The following DEPDC5 variants were observed in gnomAD, a reference collection of about 807,000 sequenced individuals.
DEPDC5 encodes the protein DEP domain containing 5, GATOR1 subcomplex subunit.
DEPDC5 carries 73 observed loss-of-function variants against 217.3 expected under a neutral mutation model. The observed-to-expected ratio is 0.34, with a 90% CI of 0.28 to 0.41. The LOEUF is 0.41. DEPDC5 is among the 10% of genes least tolerant of loss of function. DEPDC5 has a pLI of 1.00. For synonymous variants in DEPDC5, 733 were observed against 756.7 expected (o/e 0.97, Z 0.51); for missense variants, 1,675 against 2,070.1 (o/e 0.81, Z 3.70).
rs79226472 is a variant in DEPDC5 at position 31,836,049 on chromosome 22, T to C, written c.2171-923T>C. 6.6e-4 allele frequency among the ~76,000 whole-genome samples: 100 copies of C among 152,370 alleles called. 1 individual carries two copies. The East Asian group carries it at 0.014, about 22-fold the overall frequency. ...CTCCCTTCTTTGGAAAGTTAAAAGA[T>C]AGTCTTCACTTAAATTACTTAAAGA... is the stretch of plus-strand genomic sequence containing the variant. On this transcript the variant is annotated intron_variant, in intron 25 of 42. Transcript: ENST00000651528.
chr22:31,778,739 C>T (rs1373885975), intron 8 of DEPDC5, among the ~76,000 whole-genome samples: 2 of 152,176 alleles, frequency 1.3e-5, no homozygotes, highest in Non-Finnish European at 2.9e-5. Flanking sequence ...ATGTCATAAA[C>T]ATGAAGAGAG....
intron 38 of DEPDC5, among the ~76,000 whole-genome samples, chr22:31,890,723 T>A (rs2093422481): frequency 1.3e-5 from 2 of 151,344 alleles, no homozygotes; most frequent in South Asian, 2.1e-4. Context: ...AAAAGATTTT[T>A]AAAATTTTTA....
intron 35 of DEPDC5, 33 bp downstream of exon 35, chr22:31,873,365 G>A: frequency 1.9e-6 from 3 of 1,602,136 alleles, no homozygotes; most frequent in Non-Finnish European, 2.6e-6. Flanking sequence ...GGGTTGGAAG[G>A]TTCCCAGAAG....
At chr22:31,826,005 A>T (rs573165484) in intron 24 of DEPDC5, among the ~76,000 whole-genome samples, 23 of 146,920 alleles carry the variant, frequency 1.6e-4, no homozygotes, top group Non-Finnish European at 3.0e-5. Context: ...AAGAGATTGA[A>T]TTTTTTTTTT....
chr22:31,888,396 T>C (rs561077055), intron 38 of DEPDC5, among the ~76,000 whole-genome samples: 1 of 151,684 alleles, frequency 6.6e-6, no homozygotes, highest in East Asian at 1.9e-4. Context: ...ATTACAGGCG[T>C]GCACCACCAC....
intron 13 of DEPDC5, 133 bp downstream of exon 13, chr22:31,797,836 T>A: frequency 1.6e-5 from 11 of 702,360 alleles, no homozygotes; most frequent in Non-Finnish European, 2.5e-6. Context: ...AGGGTTCTGT[T>A]TCCAGTTGGA....
chr22:31,830,425 G>T lies in DEPDC5; in HGVS notation c.2105-3490G>T, dbSNP rs117038972. 2.6e-5 allele frequency among the ~76,000 whole-genome samples: 4 copies of T among 152,360 alleles called. No homozygotes were observed. The East Asian group carries it at 7.7e-4, about 29-fold the overall frequency. On this transcript the variant is annotated intron_variant, in intron 24 of 42. Coordinates refer to ENST00000651528, the MANE Select transcript of DEPDC5 (RefSeq NM_001242896.3). ...GGTTTCACCTCCATCATTGCAGGCTGGTGGGACTCTTCATATGCCAACAGC... is the reference window on the plus strand; with the variant it reads ...GGTTTCACCTCCATCATTGCAGGCTTGTGGGACTCTTCATATGCCAACAGC...
intron 32 of DEPDC5, among the ~76,000 whole-genome samples, chr22:31,860,540 G>GAAA (rs2092471667): frequency 6.6e-6 from 1 of 152,118 alleles, no homozygotes; most frequent in East Asian, 1.9e-4. Flanking sequence ...TGGAAGGAGG[G>GAAA]GTCATTGAAA....
chr22:31,778,653 C>T (rs1378675406), intron 8 of DEPDC5, among the ~76,000 whole-genome samples: 1 of 152,160 alleles, frequency 6.6e-6, no homozygotes, highest in Non-Finnish European at 1.5e-5. Context: ...TAATGTCAAA[C>T]AGAGAGCTAG....
In DEPDC5 at chr22:31,822,765, C is replaced by T. The variant is rs769708849; in HGVS notation, c.2079C>T (p.Val693=). ...LNFSGTEELS[V]GLLSNSGAGM... is the part of the protein sequence containing the mutation. ...TCAGTGGAACAGAGGAGCTTTCTGT[C>T]GGCCTGCTTAGCAACAGTGGTGCAG... is the stretch of plus-strand genomic sequence containing the variant. The change falls in exon 24 of 43, where the codon GTC becomes GTT. Residue 693 remains valine (V), a synonymous_variant. Coordinates refer to ENST00000651528, the MANE Select transcript of DEPDC5 (RefSeq NM_001242896.3). 8.1e-6 allele frequency: 13 copies of T among 1,613,896 alleles called. No individual in the cohort carries two copies. The highest frequency in any genetic ancestry group is 2.2e-5 in the East Asian group (1 of 44,888).
intron 21 of DEPDC5, chr22:31,815,680 G>A (rs1482363463): frequency 3.4e-6 from 2 of 595,196 alleles, no homozygotes; most frequent in Non-Finnish European, 2.7e-6. Flanking sequence ...ACTATAGCAT[G>A]CCACCACACC....
chr22:31,896,769 C>T (rs2093560223), intron 39 of DEPDC5, among the ~76,000 whole-genome samples: 1 of 152,306 alleles, frequency 6.6e-6, no homozygotes, highest in African/African-American at 2.4e-5. Context: ...CATCACATTT[C>T]TCTCAGCCAG....
chr22:31,815,235 A>C lies in DEPDC5; in HGVS notation c.1666+23A>C, dbSNP rs569316648. 1.9e-6 allele frequency: 3 copies of C among 1,613,228 alleles called. No individual in the cohort carries two copies. In the South Asian group the frequency reaches 3.3e-5, roughly 18 times the overall value. ...GAGGTAAGAGTGCTGAAGCACAGAC[A>C]GAGCCAGGGACATCTTTCTTAATAT... is the stretch of plus-strand genomic sequence containing the variant. On this transcript the variant is annotated intron_variant, in intron 21 of 42. Transcript: ENST00000651528.
chr22:31,797,660 A>G lies in DEPDC5; in HGVS notation c.828A>G (p.Lys276=). Residue 276 remains lysine (K), a synonymous_variant, in exon 13 of 43, where the codon AAA becomes AAG. Transcript: ENST00000651528. ...CTTCACTTCTCGTAACCATTAAAAAACTCTTCATCCAGTATCCAGTGTTGG... is the reference window on the plus strand; with the variant it reads ...CTTCACTTCTCGTAACCATTAAAAAGCTCTTCATCCAGTATCCAGTGTTGG... ...EWTSLLVTIK[K]LFIQYPVLVR... The G allele has an allele frequency of 6.2e-7, 1 of 1,613,412 alleles. No individual in the cohort carries two copies. Among genetic ancestry groups the G allele is most frequent in the South Asian group, 1.1e-5 (1 of 91,040 alleles).
At chr22:31,862,964 GC>G (rs1176128823) in intron 33 of DEPDC5, among the ~76,000 whole-genome samples, 1 of 152,136 alleles carries the variant, frequency 6.6e-6, no homozygotes, top group Admixed American at 6.5e-5. Flanking sequence ...CTGGAGTCCA[GC>G]CTCAGCGTCC....
chr22:31,848,241 C>T (rs188824405), intron 31 of DEPDC5, among the ~76,000 whole-genome samples: 25 of 152,274 alleles, frequency 1.6e-4, no homozygotes, highest in Admixed American at 9.2e-4. Flanking sequence ...TGATGCAAGC[C>T]GTCGGTGGAT....
At chr22:31,877,969 T>C (rs907304329) in intron 37 of DEPDC5, among the ~76,000 whole-genome samples, 7 of 151,634 alleles carry the variant, frequency 4.6e-5, no homozygotes, top group Non-Finnish European at 8.8e-5. Context: ...GGGTGGATCA[T>C]GAGGTCAAGA....
chr22:31,845,738 G>A (rs2091689994), intron 30 of DEPDC5, among the ~76,000 whole-genome samples: 1 of 151,734 alleles, frequency 6.6e-6, no homozygotes, highest in Non-Finnish European at 1.5e-5. Flanking sequence ...TAAACATATA[G>A]TATAATTGAC....
At chr22:31,766,198 A>T (rs926461948) in intron 5 of DEPDC5, among the ~76,000 whole-genome samples, 1 of 152,208 alleles carries the variant, frequency 6.6e-6, no homozygotes, top group African/African-American at 2.4e-5. Flanking sequence ...TTTAAAATGT[A>T]TTCTCATTTT....
Sources: gnomAD v4.1 joint callset for allele counts (sites outside exome capture counted in the v4.1 genomes callset) on GRCh38, gnomAD v4.1.1 for gene constraint, MANE v1.5 for transcripts, NCBI Gene and HGNC (gene_info 2026-07-23, HGNC 2026-07-21) for gene names.